Variants in LRMDA observed in about 807,000 individuals in gnomAD.
LRMDA encodes the protein leucine-rich melanocyte differentiation-associated protein.
A neutral mutation model predicts 29.8 loss-of-function variants in LRMDA; 18 were observed. The ratio of observed to expected loss-of-function variants is 0.60; its 90% CI spans 0.42 to 0.90. The LOEUF is 0.90. LRMDA is among the 40% of genes least tolerant of loss of function. The pLI is 0.00. For synonymous variants in LRMDA, 125 were observed against 109.4 expected (o/e 1.14, Z -0.89); for missense variants, 273 against 273.9 (o/e 1.00, Z 0.02).
chr10:75,627,617 C>A (rs528012930), intron 2 of LRMDA, among the ~76,000 whole-genome samples: 2 of 152,188 alleles, frequency 1.3e-5, no homozygotes, highest in South Asian at 4.2e-4. Context: ...CTGCTGTGGG[C>A]AATACTCAAT....
intron 2 of LRMDA, among the ~76,000 whole-genome samples, chr10:75,598,069 G>A (rs1840820627): frequency 6.6e-6 from 1 of 152,194 alleles, no homozygotes; most frequent in South Asian, 2.1e-4. Flanking sequence ...TTGATGTTGA[G>A]CAACAGCAAA....
chr10:76,361,020 G>A (rs559225395), intron 6 of LRMDA, among the ~76,000 whole-genome samples: 1 of 152,268 alleles, frequency 6.6e-6, no homozygotes, highest in South Asian at 2.1e-4. Flanking sequence ...GAGCACTTTG[G>A]GAGGCTGAGG....
In LRMDA at chr10:76,557,384, A is replaced by G; in HGVS notation, c.*96A>G. ...CGCTAAAGAAAAAACAATAGCCCAC[A>G]TTGCCTCTCTTTGGGAAAAGCTATG... On this transcript the variant is annotated 3_prime_UTR_variant, in exon 7 of 7. Transcript: ENST00000611255. 3 of 999,814 alleles carry G rather than the reference A, an allele frequency of 3.0e-6. No individual in the cohort carries two copies. The highest frequency in any genetic ancestry group is 4.6e-6 in the Non-Finnish European group (3 of 650,698). 61.9% of individuals were successfully genotyped at this position (999,814 alleles called of 1,614,324 possible). A position where few individuals can be genotyped will look rare whatever the true frequency, so the allele number is the denominator to read the frequency against.
intron 2 of LRMDA, among the ~76,000 whole-genome samples, chr10:75,502,120 A>G (rs138439702): frequency 1.3e-5 from 2 of 152,256 alleles, no homozygotes; most frequent in East Asian, 3.9e-4. Context: ...GTGAGTGGGG[A>G]AAGAGATCAT....
At chr10:75,462,315 A>G (rs1844595838) in intron 2 of LRMDA, among the ~76,000 whole-genome samples, 1 of 152,258 alleles carries the variant, frequency 6.6e-6, no homozygotes, top group African/African-American at 2.4e-5. Context: ...AAATCTGTTA[A>G]TTGACAAATG....
At chr10:75,767,039 A>G (rs1017723895) in intron 2 of LRMDA, among the ~76,000 whole-genome samples, 1 of 152,154 alleles carries the variant, frequency 6.6e-6, no homozygotes, top group Non-Finnish European at 1.5e-5. Context: ...TATCCAGTCT[A>G]TTATTGATGG....
chr10:76,459,564 T>G (rs1195795115), intron 6 of LRMDA, among the ~76,000 whole-genome samples: 1 of 152,182 alleles, frequency 6.6e-6, no homozygotes, highest in Non-Finnish European at 1.5e-5. Flanking sequence ...TAATAAATGC[T>G]TTACGTGCTT....
At chr10:76,065,618 ATT>A (rs1848771118) in intron 5 of LRMDA, among the ~76,000 whole-genome samples, 1 of 152,200 alleles carries the variant, frequency 6.6e-6, no homozygotes, top group Non-Finnish European at 1.5e-5. Flanking sequence ...AGTAAGTAGC[ATT>A]TTTTAAGTGT....
intron 5 of LRMDA, among the ~76,000 whole-genome samples, chr10:76,117,378 G>T (rs145624914): frequency 6.6e-6 from 1 of 152,216 alleles, no homozygotes; most frequent in East Asian, 1.9e-4. Context: ...AGCTCTTCTT[G>T]TTGTGGGACA....
chr10:75,716,424 T>G (rs1842500437), intron 2 of LRMDA, among the ~76,000 whole-genome samples: 1 of 152,220 alleles, frequency 6.6e-6, no homozygotes, highest in Non-Finnish European at 1.5e-5. Context: ...TTCTGTTACT[T>G]GCAATCTAAA....
chr10:76,294,899 T>C (rs1840393262), intron 5 of LRMDA, among the ~76,000 whole-genome samples: 1 of 152,182 alleles, frequency 6.6e-6, no homozygotes, highest in Non-Finnish European at 1.5e-5. Context: ...TCACATTGTC[T>C]TCTTGGGATT....
intron 2 of LRMDA, among the ~76,000 whole-genome samples, chr10:75,673,327 G>A (rs945851664): frequency 5.9e-5 from 9 of 152,092 alleles, no homozygotes; most frequent in Non-Finnish European, 1.2e-4. Flanking sequence ...ATGGTATACC[G>A]CTCCTGAAAT....
chr10:76,507,877 A>G (rs1842974785), intron 6 of LRMDA, among the ~76,000 whole-genome samples: 1 of 152,144 alleles, frequency 6.6e-6, no homozygotes, highest in African/African-American at 2.4e-5. Context: ...TGCCAGTACC[A>G]TGTAACTCTG....
At chr10:75,870,391 G>A (rs1191009384) in intron 2 of LRMDA, among the ~76,000 whole-genome samples, 2 of 152,066 alleles carry the variant, frequency 1.3e-5, no homozygotes, top group Non-Finnish European at 2.9e-5. Context: ...CATGTGTTAT[G>A]TACGACATTT....
chr10:76,091,985 C>T (rs370733570), intron 5 of LRMDA, among the ~76,000 whole-genome samples: 1 of 152,182 alleles, frequency 6.6e-6, no homozygotes, highest in Non-Finnish European at 1.5e-5. Context: ...CCAGTATCCC[C>T]CTTTCACTGG....
chr10:76,145,637 A>T (rs980078587), intron 5 of LRMDA, among the ~76,000 whole-genome samples: 45 of 152,016 alleles, frequency 3.0e-4, no homozygotes, highest in African/African-American at 1.1e-3. Context: ...TTTTCGAAAA[A>T]CCAGCTCCTG....
intron 5 of LRMDA, among the ~76,000 whole-genome samples, chr10:76,169,615 AT>A (rs1277390676): frequency 6.6e-6 from 1 of 152,144 alleles, no homozygotes; most frequent in Non-Finnish European, 1.5e-5. Flanking sequence ...CAGAAGAAAG[AT>A]TGGGTTAATC....
At chr10:75,972,972 T>A (rs866639725) in intron 2 of LRMDA, among the ~76,000 whole-genome samples, 46 of 151,802 alleles carry the variant, frequency 3.0e-4, no homozygotes, top group African/African-American at 1.0e-3. Flanking sequence ...ACTGGGGAAA[T>A]TAAGACTATA....
rs375293694 is a variant in LRMDA, at chr10:75,440,739, A to T, written c.131+2245A>T. Among the ~76,000 whole-genome samples, 19 of 152,308 alleles carry T rather than the reference A, an allele frequency of 1.2e-4. No homozygotes were observed. In the South Asian group the frequency reaches 3.5e-3, roughly 28 times the overall value. On this transcript the variant is annotated intron_variant, in intron 2 of 6. Coordinates refer to ENST00000611255, the MANE Select transcript of LRMDA (RefSeq NM_001305581.2). ...AGATGCTTAGCTAATTCCTCTTAAA[A>T]AAAGAATAAGCAGAGGCCGGACGTG...
Sources: allele counts gnomAD v4.1 joint callset (sites outside exome capture counted in the v4.1 genomes callset), GRCh38; gene constraint gnomAD v4.1.1; transcripts MANE v1.5; gene names NCBI Gene and HGNC (gene_info 2026-07-23, HGNC 2026-07-21).